Variants in COG5 observed in about 807,000 individuals in gnomAD.
The protein encoded by COG5 is component of oligomeric golgi complex 5.
A neutral mutation model predicts 110.4 loss-of-function variants in COG5; 86 were observed. The ratio of observed to expected loss-of-function variants is 0.78; its 90% CI spans 0.65 to 0.93. COG5 has a LOEUF of 0.93. Ranked by LOEUF, COG5 falls within the 40% of genes least tolerant of loss-of-function variation. COG5 has a pLI of 0.00. For missense variants in COG5, 1,077 were observed against 987.0 expected, an observed-to-expected ratio of 1.09 and a Z score of -1.22; for synonymous variants, 360 against 334.6, an observed-to-expected ratio of 1.08 and a Z score of -0.83.
intron 10 of COG5, among the ~76,000 whole-genome samples, chr7:107,338,339 C>A (rs141936942): frequency 6.6e-6 from 1 of 151,864 alleles, no homozygotes; most frequent in African/African-American, 2.4e-5. Flanking sequence ...CAGAAATAAA[C>A]CCTCAAGTAC....
chr7:107,531,045 CT>C (rs11312323), intron 5 of COG5, among the ~76,000 whole-genome samples: 40,622 of 148,724 alleles, frequency 0.27, 5,533 homozygotes, highest in East Asian at 0.33. Context: ...CACTTCCTTA[CT>C]TTTTTTTTTT....
At chr7:107,374,612 C>G (rs1461693332) in intron 7 of COG5, among the ~76,000 whole-genome samples, 1 of 151,992 alleles carries the variant, frequency 6.6e-6, no homozygotes, top group Non-Finnish European at 1.5e-5. Context: ...TTACTAACTT[C>G]CAACTTCTCA....
At chr7:107,287,026 T>C (rs974896504) in intron 12 of COG5, among the ~76,000 whole-genome samples, 1 of 152,230 alleles carries the variant, frequency 6.6e-6, no homozygotes, top group Non-Finnish European at 1.5e-5. Context: ...AGGATTGCTA[T>C]CTTGGACCTA....
intron 7 of COG5, among the ~76,000 whole-genome samples, chr7:107,390,932 C>A (rs1790579329): frequency 6.6e-6 from 1 of 151,472 alleles, no homozygotes; most frequent in Admixed American, 6.6e-5. Context: ...TTTGCAAAAG[C>A]CTCAGGATAA....
At chr7:107,494,690 T>C (rs1273576572) in intron 6 of COG5, among the ~76,000 whole-genome samples, 1 of 152,148 alleles carries the variant, frequency 6.6e-6, no homozygotes, top group African/African-American at 2.4e-5. Context: ...ATCCCCATCA[T>C]TAAACGATGA....
At chr7:107,405,858 T>C (rs1791795969) in intron 7 of COG5, among the ~76,000 whole-genome samples, 1 of 152,134 alleles carries the variant, frequency 6.6e-6, no homozygotes, top group Non-Finnish European at 1.5e-5. Flanking sequence ...TGAGGGTGCC[T>C]TTGCTCCTTC....
At chr7:107,534,972 T>C (rs1801474491) in intron 5 of COG5, among the ~76,000 whole-genome samples, 1 of 151,626 alleles carries the variant, frequency 6.6e-6, no homozygotes, top group Non-Finnish European at 1.5e-5. Flanking sequence ...CAACAGTCTC[T>C]CAGACCACAG....
At chr7:107,349,246 A>C (rs1454186522) in intron 10 of COG5, among the ~76,000 whole-genome samples, 1 of 152,192 alleles carries the variant, frequency 6.6e-6, no homozygotes, top group Non-Finnish European at 1.5e-5. Flanking sequence ...TCAATCATGT[A>C]ATCTATAAAG....
intron 2 of COG5, among the ~76,000 whole-genome samples, chr7:107,556,231 C>T (rs1803306739): frequency 1.3e-5 from 2 of 152,134 alleles, no homozygotes; most frequent in African/African-American, 4.8e-5. Context: ...CCTTCAACTC[C>T]GTCCACTAGC....
chr7:107,237,825 CG>C (rs1230708932), intron 17 of COG5, among the ~76,000 whole-genome samples: 29 of 152,118 alleles, frequency 1.9e-4, no homozygotes, highest in Admixed American at 1.3e-4. Flanking sequence ...TAGTAAATGA[CG>C]GCCATCTTCA....
rs188708501 is a variant in COG5, at chr7:107,322,428, T to G, written c.1108+2012A>C. Among the ~76,000 whole-genome samples, 304 of 152,316 alleles carry G rather than the reference T, an allele frequency of 2.0e-3. 2 individuals carry two copies. The highest frequency in any genetic ancestry group is 6.9e-3 in the African/African-American group (287 of 41,560). ...AGAACTGTGAGAAATAAATTTCTGT[T>G]GTGCATAAGTTGCCCAGTCTGTGGT... On this transcript the variant is annotated intron_variant, in intron 11 of 21. Coordinates refer to ENST00000297135, the MANE Select transcript of COG5 (RefSeq NM_006348.5).
At chr7:107,459,552 T>C (rs921342100) in intron 6 of COG5, among the ~76,000 whole-genome samples, 8 of 151,956 alleles carry the variant, frequency 5.3e-5, no homozygotes, top group Non-Finnish European at 8.8e-5. Context: ...ATTCCAGCAC[T>C]TTGAGAGGCC....
At chr7:107,254,215 A>T (rs1802721922) in intron 16 of COG5, among the ~76,000 whole-genome samples, 2 of 152,304 alleles carry the variant, frequency 1.3e-5, no homozygotes, top group South Asian at 4.1e-4. Context: ...TATATTTTTC[A>T]GTAAGTTAAA....
intron 5 of COG5, 87 bp from the exon 6 acceptor site, chr7:107,527,444 T>C (rs896107647): frequency 4.9e-6 from 7 of 1,439,692 alleles, no homozygotes; most frequent in African/African-American, 1.4e-5. Flanking sequence ...AGTGGGTTGA[T>C]AGGTGCAGCA....
At chr7:107,209,850 A>C (rs1179301151) in intron 21 of COG5, 1 of 985,424 alleles carries the variant, frequency 1.0e-6, no homozygotes, top group East Asian at 1.1e-4. Context: ...ACTGTAGCTA[A>C]AGCTACAGAG....
chr7:107,266,714 G>A (rs941963076), intron 14 of COG5, among the ~76,000 whole-genome samples: 1 of 151,934 alleles, frequency 6.6e-6, no homozygotes, highest in African/African-American at 2.4e-5. Context: ...AACTTGCTTT[G>A]AAGTGGGAAA....
intron 6 of COG5, among the ~76,000 whole-genome samples, chr7:107,413,592 T>C (rs925799929): frequency 5.3e-5 from 8 of 151,696 alleles, no homozygotes; most frequent in African/African-American, 1.7e-4. Context: ...GCGACTGCCC[T>C]TCACCACAGA....
intron 7 of COG5, among the ~76,000 whole-genome samples, chr7:107,379,507 G>A (rs1349308270): frequency 6.6e-6 from 1 of 151,722 alleles, no homozygotes; most frequent in Non-Finnish European, 1.5e-5. Context: ...ACCCATTGGT[G>A]GGCTATACTC....
chr7:107,233,827 A>C (rs1173060268), intron 18 of COG5, among the ~76,000 whole-genome samples: 2 of 152,200 alleles, frequency 1.3e-5, no homozygotes, highest in African/African-American at 4.8e-5. Context: ...ATGCTATTTA[A>C]ATGTTTTGAC....
Sources: gnomAD v4.1 joint callset for allele counts (sites outside exome capture counted in the v4.1 genomes callset) on GRCh38, gnomAD v4.1.1 for gene constraint, MANE v1.5 for transcripts, NCBI Gene and HGNC (gene_info 2026-07-23, HGNC 2026-07-21) for gene names.